CPA4: variants seen among roughly 807,000 people sequenced by gnomAD.
CPA4 encodes carboxypeptidase A4, also known as carboxypeptidase A3.
In CPA4, 49 loss-of-function variants were observed where a neutral mutation model predicts 54.7. The observed-to-expected ratio is 0.90, with a 90% CI of 0.71 to 1.14. The LOEUF is 1.14. Ranked by LOEUF, CPA4 falls within the 50% of genes most tolerant of loss-of-function variation. The probability of loss-of-function intolerance (pLI) is 0.00; values close to 1 mark genes in which losing one functional copy is unlikely to be tolerated. For synonymous variants in CPA4, 215 were observed against 206.8 expected, an observed-to-expected ratio of 1.04 and a Z score of -0.34; for missense variants, 487 against 525.1, an observed-to-expected ratio of 0.93 and a Z score of 0.71.
Position 130,310,022 on chromosome 7 carries a change from C to G in CPA4, c.794-765C>G, listed in dbSNP as rs1022457119. On this transcript the variant is annotated intron_variant, in intron 8 of 10. Coordinates refer to ENST00000222482, the MANE Select transcript of CPA4 (RefSeq NM_016352.4). This position sits in a 1 kb window ranked among gnomAD's most constrained non-coding sequence, Gnocchi z 4.3. The stretch of plus-strand genomic sequence containing the variant: ...GCTTAAGTGATCCTTCCACCTCAGC[C>G]TCTCAAAGTGCTGGGATTATAGACA... Among the ~76,000 whole-genome samples the G allele has an allele frequency of 1.3e-5, 2 of 152,346 alleles. No individual in the cohort carries two copies. The highest frequency in any genetic ancestry group is 2.1e-4 in the South Asian group (1 of 4,828).
intron 4 of CPA4, among the ~76,000 whole-genome samples, chr7:130,302,767 A>C (rs1793759562): frequency 6.6e-6 from 1 of 152,076 alleles, no homozygotes; most frequent in Non-Finnish European, 1.5e-5. Flanking sequence ...AGTGGGTAGA[A>C]TTTCCAGGCC....
intron 1 of CPA4, among the ~76,000 whole-genome samples, chr7:130,294,776 G>A (rs2117127556): frequency 6.6e-6 from 1 of 152,296 alleles, no homozygotes; most frequent in South Asian, 2.1e-4. Flanking sequence ...CCTAGCAAAG[G>A]TAGTGGAATT....
chr7:130,310,812 C>T lies in CPA4; in HGVS notation c.819C>T (p.Cys273=). ...GAAAGGGAGCCAGCGACAACCCTTG[C>T]TCCGAAGTGTACCATGGACCCCACG... ...FAGKGASDNP[C]SEVYHGPHAN... Residue 273 remains cysteine, a synonymous_variant, in exon 9 of 11, where the codon TGC becomes TGT. Transcript: ENST00000222482. The surrounding 1 kb of genome is among the most constrained non-coding windows in gnomAD (Gnocchi z 4.3). 6.2e-7 allele frequency: 1 copy of T among 1,614,198 alleles called. No homozygotes were observed. The highest frequency in any genetic ancestry group is 8.5e-7 in the Non-Finnish European group (1 of 1,179,984).
At chr7:130,296,012 C>A (rs1306313715) in intron 1 of CPA4, among the ~76,000 whole-genome samples, 1 of 152,148 alleles carries the variant, frequency 6.6e-6, no homozygotes, top group Admixed American at 6.6e-5. Context: ...CTACCCACTA[C>A]CACAACCGCC....
chr7:130,306,072 C>T lies in CPA4; in HGVS notation c.591+152C>T, dbSNP rs114997863. ...TTTTCAGATTGGAGAAGCAAATGGT[C>T]AAAACCCCTTGGTCAGCTCACTGCG... is the stretch of plus-strand genomic sequence containing the variant. On this transcript the variant is annotated intron_variant, in intron 6 of 10. Coordinates refer to ENST00000222482, the MANE Select transcript of CPA4 (RefSeq NM_016352.4). The T allele has an allele frequency of 4.4e-4, 284 of 639,550 alleles. 3 individuals carry two copies. In the African/African-American group the frequency reaches 4.7e-3, roughly 11 times the overall value. 39.6% of individuals were successfully genotyped at this position (639,550 alleles called of 1,614,324 possible).
chr7:130,302,749 G>A (rs1793759367), intron 4 of CPA4, among the ~76,000 whole-genome samples: 1 of 152,142 alleles, frequency 6.6e-6, no homozygotes, highest in Non-Finnish European at 1.5e-5. Flanking sequence ...CCTAGGGTCA[G>A]TGGGTAGAGT....
chr7:130,308,440 G>A, intron 8 of CPA4, 43 bp downstream of exon 8: 1 of 1,522,226 alleles, frequency 6.6e-7, no homozygotes, highest in Non-Finnish European at 9.1e-7. Context: ...CTGTCCCTGG[G>A]CTCGCCTGGT....
intron 1 of CPA4, among the ~76,000 whole-genome samples, chr7:130,294,314 A>C (rs1793616978): frequency 6.6e-6 from 1 of 152,158 alleles, no homozygotes; most frequent in Non-Finnish European, 1.5e-5. Flanking sequence ...CTATTTTACT[A>C]TCTGGCTAAT....
At position 130,310,801 on chromosome 7, in the gene CPA4, G is replaced by A. The variant is rs747928902; in HGVS notation, c.808G>A (p.Asp270Asn). Residue 270 changes from aspartate to asparagine, a missense_variant, in exon 9 of 11, where the codon GAC becomes AAC. Coordinates refer to ENST00000222482, the MANE Select transcript of CPA4 (RefSeq NM_016352.4). This position sits in a 1 kb window ranked among gnomAD's most constrained non-coding sequence, Gnocchi z 4.3. ...NASFAGKGAS[D>N]NPCSEVYHGP... ...ATCCCCAACAGGAAAGGGAGCCAGC[G>A]ACAACCCTTGCTCCGAAGTGTACCA... 41 of 1,613,996 alleles carry A rather than the reference G, an allele frequency of 2.5e-5. No homozygotes were observed. Among genetic ancestry groups the A allele is most frequent in the African/African-American group, 4.0e-5 (3 of 74,908 alleles).
At chr7:130,309,401 A>G (rs994826739) in intron 8 of CPA4, among the ~76,000 whole-genome samples, 17 of 152,294 alleles carry the variant, frequency 1.1e-4, no homozygotes, top group African/African-American at 3.6e-4. Flanking sequence ...TAGCACTGTC[A>G]CCCCAAAGGG....
chr7:130,312,925 G>A (rs1793935746), intron 10 of CPA4, among the ~76,000 whole-genome samples: 1 of 152,048 alleles, frequency 6.6e-6, no homozygotes, highest in South Asian at 2.1e-4. Flanking sequence ...TTGGAGGGGA[G>A]GTTTATCTTA....
At chr7:130,322,170 T>C (rs1313405113) in intron 10 of CPA4, among the ~76,000 whole-genome samples, 1 of 152,140 alleles carries the variant, frequency 6.6e-6, no homozygotes, top group Non-Finnish European at 1.5e-5. Flanking sequence ...CCAAGTATCA[T>C]TGGGGCTATC....
intron 10 of CPA4, among the ~76,000 whole-genome samples, chr7:130,314,355 G>T (rs751194388): frequency 3.3e-5 from 5 of 152,206 alleles, no homozygotes; most frequent in Non-Finnish European, 7.4e-5. Context: ...AGTCGTAATA[G>T]GTTTGAAATA....
Position 130,307,397 on chromosome 7 carries a change from C to T in CPA4, c.702+500C>T, listed in dbSNP as rs567047459. ...CTGTAATCCCAGCACTTTGGGAGGCCGAGGTGGGCGGATCATGAGGTCAGG... is the reference window on the plus strand; with the variant it reads ...CTGTAATCCCAGCACTTTGGGAGGCTGAGGTGGGCGGATCATGAGGTCAGG... On this transcript the variant is annotated intron_variant, in intron 7 of 10. Transcript: ENST00000222482. 5.6e-3 allele frequency among the ~76,000 whole-genome samples: 845 copies of T among 152,066 alleles called. 12 individuals carry two copies. Among genetic ancestry groups the T allele is most frequent in the African/African-American group, 0.019 (797 of 41,496 alleles).
intron 5 of CPA4, 120 bp from the exon 6 acceptor site, chr7:130,305,696 G>A: frequency 3.8e-6 from 3 of 788,450 alleles, no homozygotes; most frequent in Non-Finnish European, 4.2e-6. Flanking sequence ...GTGCCCTTAG[G>A]AACATTTGAT....
chr7:130,296,596 T>C (rs955178153), intron 1 of CPA4, among the ~76,000 whole-genome samples: 19 of 151,664 alleles, frequency 1.3e-4, no homozygotes, highest in African/African-American at 4.3e-4. Flanking sequence ...TTGTGATTGC[T>C]GTAGCCAGTG....
At chr7:130,297,564 T>A (rs1262918923) in intron 1 of CPA4, among the ~76,000 whole-genome samples, 2 of 152,098 alleles carry the variant, frequency 1.3e-5, no homozygotes, top group Non-Finnish European at 2.9e-5. Flanking sequence ...GGACCTTGAC[T>A]CCTTAAGTCT....
At position 130,302,421 on chromosome 7, in the gene CPA4, G is replaced by A. The variant is rs536588014; in HGVS notation, c.384+1507G>A. 1.5e-4 allele frequency among the ~76,000 whole-genome samples: 23 copies of A among 151,762 alleles called. No individual in the cohort carries two copies. In the East Asian group the frequency reaches 1.9e-3, roughly 13 times the overall value. On this transcript the variant is annotated intron_variant, in intron 4 of 10. Coordinates refer to ENST00000222482, the MANE Select transcript of CPA4 (RefSeq NM_016352.4). ...GGAGAATCACTTGAAACCGGGAGGC[G>A]GAGGTTGCAGTGAGCCAAGATTGCA... is the stretch of plus-strand genomic sequence containing the variant.
intron 10 of CPA4, among the ~76,000 whole-genome samples, chr7:130,319,322 CAT>C (rs1235883527): frequency 6.6e-6 from 1 of 152,190 alleles, no homozygotes; most frequent in Non-Finnish European, 1.5e-5. Context: ...TTTTCACGCT[CAT>C]GTGTGACATA....
Sources: gnomAD v4.1 joint callset for allele counts (sites outside exome capture counted in the v4.1 genomes callset) on GRCh38, gnomAD v4.1.1 for gene constraint, Gnocchi (gnomAD v3.1) non-coding constraint, MANE v1.5 for transcripts, NCBI Gene and HGNC (gene_info 2026-07-23, HGNC 2026-07-21) for gene names.